Variants in PLXNC1 observed in about 807,000 individuals in gnomAD.
PLXNC1 encodes plexin-C1.
Under a neutral mutation model 178.2 loss-of-function variants are expected in PLXNC1, and 75 were observed. The observed-to-expected ratio is 0.42, with a 90% CI of 0.35 to 0.51. PLXNC1 has a LOEUF of 0.51. Ranked by LOEUF, PLXNC1 falls within the 20% of genes least tolerant of loss-of-function variation. The pLI, the probability that PLXNC1 is intolerant of heterozygous loss-of-function variation, is 0.02. For missense variants in PLXNC1, 1,503 were observed against 1,984.4 expected (o/e 0.76, Z 4.61); for synonymous variants, 790 against 779.9 (o/e 1.01, Z -0.22).
intron 9 of PLXNC1, among the ~76,000 whole-genome samples, chr12:94,234,715 A>G (rs1158398616): frequency 6.6e-6 from 1 of 152,222 alleles, no homozygotes; most frequent in Non-Finnish European, 1.5e-5. Flanking sequence ...GTCTCTTTGT[A>G]TTGAGCTCAA....
In PLXNC1 at chr12:94,170,256, G is replaced by T. The variant is rs141240146; in HGVS notation, c.1203+963G>T. On this transcript the variant is annotated intron_variant, in intron 2 of 30. Coordinates refer to ENST00000258526, the MANE Select transcript of PLXNC1 (RefSeq NM_005761.3). ...TTCATTTCCTTACCAGTAAAATACA[G>T]TTCTACTAGACAACCCAGAAAAACG... is the stretch of plus-strand genomic sequence containing the variant. Among the ~76,000 whole-genome samples, 485 of 152,192 alleles carry T rather than the reference G, an allele frequency of 3.2e-3. 2 individuals are homozygous for T. Among genetic ancestry groups the T allele is most frequent in the African/African-American group, 0.011 (469 of 41,516 alleles).
chr12:94,303,731 GCTT>G lies in PLXNC1; in HGVS notation c.4387-24_4387-22del, dbSNP rs766084155. 2.8e-4 allele frequency: 315 copies of G among 1,113,690 alleles called. 1 individual carries two copies. The African/African-American group carries it at 5.6e-3, about 20-fold the overall frequency. 69.0% of individuals were successfully genotyped at this position (1,113,690 alleles called of 1,614,324 possible). ...TTTTTTTACTCTTTTGGTGATGGTT[GCTT>G]TTTTTTTTTTTTTTTCCCCAGGAAG... On this transcript the variant is annotated intron_variant, in intron 28 of 30. Coordinates refer to ENST00000258526, the MANE Select transcript of PLXNC1 (RefSeq NM_005761.3).
chr12:94,248,003 A>C lies in PLXNC1; in HGVS notation c.2489A>C (p.Asp830Ala). 1 of 1,614,146 alleles carries C rather than the reference A, an allele frequency of 6.2e-7. No individual in the cohort carries two copies. The highest frequency in any genetic ancestry group is 8.5e-7 in the Non-Finnish European group (1 of 1,179,988). The part of the protein sequence containing the change: ...TNVTVKLRVQ[D>A]TYLDCGTLQY... ...GTCACTGTGAAGCTGAGAGTACAAG[A>C]CACCTACTTGGATTGTGGAACCCTG... The change falls in exon 13 of 31, where the codon GAC becomes GCC. Residue 830 changes from aspartate (D) to alanine (A), a missense_variant. Coordinates refer to ENST00000258526, the MANE Select transcript of PLXNC1 (RefSeq NM_005761.3).
chr12:94,149,362 C>A lies in PLXNC1; in HGVS notation c.391C>A (p.Arg131=), dbSNP rs961853161. The A allele has an allele frequency of 7.7e-6, 11 of 1,427,636 alleles. No homozygotes were observed. Among genetic ancestry groups the A allele is most frequent in the Non-Finnish European group, 1.0e-5 (11 of 1,101,208 alleles). The allele number at this position is 1,427,636 out of a possible 1,614,324, so 88.4% of individuals were successfully genotyped here. The change falls in exon 1 of 31, where the codon CGG becomes AGG. Residue 131 remains arginine (R), a synonymous_variant. Coordinates refer to ENST00000258526, the MANE Select transcript of PLXNC1 (RefSeq NM_005761.3). ...GLLLTGWTFD[R]GACEVRPLGN... ...GCTGCTCACCGGCTGGACCTTCGAC[C>A]GGGGCGCCTGCGAGGTGCGGCCCCT...
At chr12:94,224,086 G>A (rs1963872940) in intron 6 of PLXNC1, 142 bp from the exon 7 acceptor site, 1 of 658,120 alleles carries the variant, frequency 1.5e-6, no homozygotes, top group Admixed American at 2.2e-5. Flanking sequence ...ACCACATACT[G>A]ATTGAAATGT....
chr12:94,255,057 GCAGCCAACCAAGTCA>G (rs2136074209), intron 16 of PLXNC1, 121 bp from the exon 17 acceptor site: 1 of 907,126 alleles, frequency 1.1e-6, no homozygotes, highest in East Asian at 2.6e-5. Flanking sequence ...GCTCTTCTCT[GCAGCCAACCAAGTCA>G]TTATCTATTG....
At chr12:94,277,974 C>T (rs1436863292) in intron 21 of PLXNC1, 1 of 455,954 alleles carries the variant, frequency 2.2e-6, no homozygotes, top group Non-Finnish European at 4.4e-6. Context: ...CTAGGCAAAT[C>T]AGACATTGCC....
intron 23 of PLXNC1, among the ~76,000 whole-genome samples, chr12:94,284,459 G>A (rs569382108): frequency 4.6e-5 from 7 of 152,244 alleles, no homozygotes; most frequent in African/African-American, 1.2e-4. Context: ...CTGCTTCACC[G>A]TCTTATAACA....
intron 23 of PLXNC1, among the ~76,000 whole-genome samples, chr12:94,286,435 G>A (rs556553981): frequency 2.3e-4 from 35 of 151,964 alleles, no homozygotes; most frequent in Non-Finnish European, 2.9e-4. Flanking sequence ...CAGCGCCTCC[G>A]CAGACTCAAC....
In PLXNC1 at chr12:94,303,814, T is replaced by C. The variant is rs201903968; in HGVS notation, c.4445T>C (p.Val1482Ala). The change falls in exon 29 of 31, where the codon GTA (valine) becomes GCA (alanine). Residue 1482 changes from valine to alanine, a missense_variant. By Grantham distance (64) the Val-to-Ala change is moderately conservative. Around this residue, in one of 4 missense-constraint regions of PLXNC1, gnomAD observed 639 missense variants for 979.7 expected, o/e 0.65. Coordinates refer to ENST00000258526, the MANE Select transcript of PLXNC1 (RefSeq NM_005761.3). ...GATATCCCAACCTACAAAGAAGAAG[T>C]AAAATCTTATTACAAAGCAATCAGG... is the stretch of plus-strand genomic sequence containing the variant. ...AKDIPTYKEE[V>A]KSYYKAIRDL... 10 of 1,606,280 alleles carry C rather than the reference T, an allele frequency of 6.2e-6. No individual in the cohort carries two copies. The East Asian group carries it at 2.2e-4, about 36-fold the overall frequency.
chr12:94,204,381 T>C (rs1018453286), intron 4 of PLXNC1, among the ~76,000 whole-genome samples: 2 of 152,242 alleles, frequency 1.3e-5, no homozygotes, highest in African/African-American at 4.8e-5. Context: ...TTGTGAATAA[T>C]AAATGAATCA....
intron 23 of PLXNC1, among the ~76,000 whole-genome samples, chr12:94,290,286 T>C (rs993883733): frequency 6.6e-6 from 1 of 152,246 alleles, no homozygotes; most frequent in African/African-American, 2.4e-5. Context: ...TCTCATAAAC[T>C]CGGTGTCTGA....
In PLXNC1 at chr12:94,300,837, C is replaced by T; in HGVS notation, c.4239-73C>T. On this transcript the variant is annotated intron_variant, in intron 27 of 30. Transcript: ENST00000258526. ...TAACAAGGACAAAAACACCCGTTTA[C>T]AAACTGTGATAAACAGACCATTGGC... 3 of 1,425,056 alleles carry T rather than the reference C, an allele frequency of 2.1e-6. No individual in the cohort carries two copies. In the South Asian group the frequency reaches 4.1e-5, roughly 20 times the overall value. The allele number at this position is 1,425,056 out of a possible 1,614,324, so 88.3% of individuals were successfully genotyped here.
chr12:94,179,158 T>A (rs1428212051), intron 2 of PLXNC1, among the ~76,000 whole-genome samples: 1 of 152,212 alleles, frequency 6.6e-6, no homozygotes, highest in Non-Finnish European at 1.5e-5. Flanking sequence ...AGCCTTTGGC[T>A]AAACAGCAAA....
At chr12:94,286,235 A>G (rs994518212) in intron 23 of PLXNC1, among the ~76,000 whole-genome samples, 4 of 152,202 alleles carry the variant, frequency 2.6e-5, no homozygotes, top group African/African-American at 9.7e-5. Flanking sequence ...ATGAAGGCTT[A>G]AAGGATTCTC....
At chr12:94,177,053 A>ATG (rs63244061) in intron 2 of PLXNC1, among the ~76,000 whole-genome samples, 1,800 of 137,466 alleles carry the variant, frequency 0.013, 15 homozygotes, top group Non-Finnish European at 0.017. Flanking sequence ...TTTCATATAT[A>ATG]TGTGTGTGTG....
At chr12:94,263,379 T>C (rs1267501266) in intron 20 of PLXNC1, among the ~76,000 whole-genome samples, 1 of 152,186 alleles carries the variant, frequency 6.6e-6, no homozygotes, top group African/African-American at 2.4e-5. Context: ...GGGCAGAGTG[T>C]AGGGCCAGAT....
At chr12:94,270,763 C>CT (rs71984307) in intron 21 of PLXNC1, among the ~76,000 whole-genome samples, 20,486 of 147,580 alleles carry the variant, frequency 0.14, 1,420 homozygotes, top group African/African-American at 0.17. Flanking sequence ...ATCTCCATTA[C>CT]TTTTTTTTTT....
At chr12:94,227,370 T>C in intron 9 of PLXNC1, 135 bp downstream of exon 9, 1 of 571,938 alleles carries the variant, frequency 1.7e-6, no homozygotes, top group Non-Finnish European at 3.2e-6. Flanking sequence ...GTGTCTTTGG[T>C]TTTTTAACCA....
Sources: gnomAD v4.1 joint callset for allele counts (sites outside exome capture counted in the v4.1 genomes callset) on GRCh38, gnomAD v4.1.1 for gene constraint, gnomAD v4.1.1 regional missense constraint, MANE v1.5 for transcripts, NCBI Gene and HGNC (gene_info 2026-07-23, HGNC 2026-07-21) for gene names.